OCA2: variants seen among roughly 807,000 people sequenced by gnomAD.
OCA2 encodes OCA2 melanosomal transmembrane protein.
A neutral mutation model predicts 100.2 loss-of-function variants in OCA2; 77 were observed. That is an observed-to-expected ratio of 0.77 (90% CI 0.64 to 0.93). The LOEUF is 0.93. OCA2 is among the 40% of genes least tolerant of loss of function. The pLI is 0.00. For synonymous variants in OCA2, 432 were observed against 439.2 expected, an observed-to-expected ratio of 0.98 and a Z score of 0.21; for missense variants, 1,062 against 1,089.1, an observed-to-expected ratio of 0.98 and a Z score of 0.35.
chr15:27,868,928 G>A (rs536857088), intron 21 of OCA2, among the ~76,000 whole-genome samples: 60 of 152,336 alleles, frequency 3.9e-4, no homozygotes, highest in African/African-American at 1.4e-3. Flanking sequence ...GAAAAGAGGG[G>A]AGAAGGGAGT....
chr15:27,816,732 A>G (rs933689094), intron 23 of OCA2, among the ~76,000 whole-genome samples: 3 of 152,064 alleles, frequency 2.0e-5, no homozygotes, highest in South Asian at 2.1e-4. Flanking sequence ...CCACATCCTT[A>G]TAAATATTCC....
chr15:27,986,284 T>C (rs1006488474), intron 12 of OCA2, among the ~76,000 whole-genome samples: 7 of 152,238 alleles, frequency 4.6e-5, no homozygotes, highest in Non-Finnish European at 8.8e-5. Flanking sequence ...GATACTCTAA[T>C]ATGTAAAACA....
chr15:27,826,204 A>T (rs2034715642), intron 23 of OCA2, among the ~76,000 whole-genome samples: 1 of 152,194 alleles, frequency 6.6e-6, no homozygotes, highest in Non-Finnish European at 1.5e-5. Context: ...GCGCCCTGTT[A>T]GGGAAGGTGC....
Position 27,772,474 on chromosome 15 carries a change from A to G in OCA2, c.2433-17002T>C, listed in dbSNP as rs114803115. ...ATCCAGTTAGGAAATCATTGAGATTATCTTCCTGGCTTAATATATGATGAA... is the reference window on the plus strand; with the variant it reads ...ATCCAGTTAGGAAATCATTGAGATTGTCTTCCTGGCTTAATATATGATGAA... On this transcript the variant is annotated intron_variant, in intron 23 of 23. Coordinates refer to ENST00000354638, the MANE Select transcript of OCA2 (RefSeq NM_000275.3). 5.1e-3 allele frequency among the ~76,000 whole-genome samples: 771 copies of G among 152,354 alleles called. 9 individuals are homozygous for G. Among genetic ancestry groups the G allele is most frequent in the African/African-American group, 0.018 (734 of 41,572 alleles).
intron 23 of OCA2, among the ~76,000 whole-genome samples, chr15:27,796,574 T>C (rs528533506): frequency 1.2e-4 from 18 of 152,242 alleles, no homozygotes; most frequent in African/African-American, 4.1e-4. Context: ...CCAACAGGTG[T>C]AACAGGTCTA....
chr15:28,054,037 T>C (rs2043602932), intron 2 of OCA2, among the ~76,000 whole-genome samples: 1 of 152,124 alleles, frequency 6.6e-6, no homozygotes, highest in East Asian at 1.9e-4. Context: ...TGTATGTGTA[T>C]AAATATGTGC....
At chr15:28,050,498 T>G (rs1179781921) in intron 2 of OCA2, among the ~76,000 whole-genome samples, 1 of 148,938 alleles carries the variant, frequency 6.7e-6, no homozygotes, top group African/African-American at 2.5e-5. Context: ...GAGGCGGAGG[T>G]TGAAGTGAGT....
intron 18 of OCA2, among the ~76,000 whole-genome samples, chr15:27,937,807 T>C (rs973337183): frequency 1.3e-5 from 2 of 152,242 alleles, no homozygotes; most frequent in African/African-American, 4.8e-5. Context: ...ATTTTAGATA[T>C]AATTTCCAAA....
At chr15:27,876,338 T>C (rs192314826) in intron 19 of OCA2, among the ~76,000 whole-genome samples, 11 of 152,240 alleles carry the variant, frequency 7.2e-5, no homozygotes, top group Admixed American at 1.3e-4. Context: ...TACTATTTTA[T>C]ATACCATAGC....
chr15:28,095,840 T>C (rs1428920915), intron 1 of OCA2, among the ~76,000 whole-genome samples: 1 of 152,146 alleles, frequency 6.6e-6, no homozygotes, highest in Non-Finnish European at 1.5e-5. Context: ...AGGCAGTCCC[T>C]CTGCAGCCAA....
intron 4 of OCA2, among the ~76,000 whole-genome samples, chr15:28,025,391 T>G (rs2042719397): frequency 6.6e-6 from 1 of 152,210 alleles, no homozygotes; most frequent in Non-Finnish European, 1.5e-5. Flanking sequence ...TAAGAATTCC[T>G]TAGGCGATAA....
intron 2 of OCA2, among the ~76,000 whole-genome samples, chr15:28,060,893 C>A (rs370494387): frequency 1.3e-5 from 2 of 152,272 alleles, no homozygotes; most frequent in Admixed American, 1.3e-4. Flanking sequence ...CCTTGACTAC[C>A]CCTCTCACAG....
intron 4 of OCA2, among the ~76,000 whole-genome samples, chr15:28,027,285 C>A (rs1028561375): frequency 6.6e-6 from 1 of 152,320 alleles, no homozygotes; most frequent in East Asian, 1.9e-4. Context: ...CCCTCCCCAC[C>A]CATTGCTCCC....
chr15:28,097,059 G>A (rs1021683182), intron 1 of OCA2, among the ~76,000 whole-genome samples: 1 of 152,180 alleles, frequency 6.6e-6, no homozygotes, highest in African/African-American at 2.4e-5. Flanking sequence ...GTGTCCCTTC[G>A]CCCATCCTGC....
At chr15:27,854,060 CT>C (rs2035862637) in intron 21 of OCA2, among the ~76,000 whole-genome samples, 1 of 152,236 alleles carries the variant, frequency 6.6e-6, no homozygotes, top group African/African-American at 2.4e-5. Context: ...TGTGTGCCCT[CT>C]GCTGCATCCC....
intron 21 of OCA2, among the ~76,000 whole-genome samples, chr15:27,853,300 ATT>A (rs1340446931): frequency 2.1e-5 from 3 of 141,522 alleles, no homozygotes; most frequent in Non-Finnish European, 3.1e-5. Flanking sequence ...GGAAATCATC[ATT>A]CTCAGTAAAT....
chr15:28,002,667 T>C (rs554062324), intron 9 of OCA2, among the ~76,000 whole-genome samples: 1 of 152,212 alleles, frequency 6.6e-6, no homozygotes, highest in African/African-American at 2.4e-5. Context: ...AGCGGGCTGA[T>C]GGGGTGGGCT....
chr15:28,079,936 C>T (rs1377583489), intron 2 of OCA2, among the ~76,000 whole-genome samples: 1 of 152,224 alleles, frequency 6.6e-6, no homozygotes, highest in Non-Finnish European at 1.5e-5. Flanking sequence ...GCCTGTGGAG[C>T]TCATGACAGG....
Position 28,076,833 on chromosome 15 carries a change from G to A in OCA2, c.227+4815C>T, listed in dbSNP as rs923123632. Among the ~76,000 whole-genome samples, 7 of 122,454 alleles carry A rather than the reference G, an allele frequency of 5.7e-5. No homozygotes were observed. The South Asian group carries it at 1.5e-3, about 27-fold the overall frequency. The allele number at this position is 122,454 out of a possible 152,430, so 80.3% of individuals were successfully genotyped here. On this transcript the variant is annotated intron_variant, in intron 2 of 23. Coordinates refer to ENST00000354638, the MANE Select transcript of OCA2 (RefSeq NM_000275.3). The stretch of plus-strand genomic sequence containing the variant: ...CTGCAGTCCGCAGTCCGGCCTGGGC[G>A]ACAGAGCGAGACTCCGTCTCAAAAA...
Sources: gnomAD v4.1 joint callset for allele counts (sites outside exome capture counted in the v4.1 genomes callset) on GRCh38, gnomAD v4.1.1 for gene constraint, MANE v1.5 for transcripts, NCBI Gene and HGNC (gene_info 2026-07-23, HGNC 2026-07-21) for gene names.